GNG7: variants seen among roughly 807,000 people sequenced by gnomAD.
The protein encoded by GNG7 is G protein subunit gamma 7, also known as guanine nucleotide-binding protein G(I)/G(S)/G(O) subunit gamma-7.
In GNG7, 1 loss-of-function variant was observed where a neutral mutation model predicts 4.0. The ratio of observed to expected loss-of-function variants is 0.25; its 90% confidence interval spans 0.09 to 1.18. GNG7 has a LOEUF of 1.18. Ranked by LOEUF, GNG7 falls within the 50% of genes most tolerant of loss-of-function variation. The pLI is 0.50. For synonymous variants in GNG7, 34 were observed against 36.9 expected (o/e 0.92, Z 0.29); for missense variants, 86 against 91.9 (o/e 0.94, Z 0.26).
At position 2,533,645 on chromosome 19, in the gene GNG7, C is replaced by T. The variant is rs77739971; in HGVS notation, c.-37-12920G>A. ...AAAAAACAGCAGCAATTAGGTGGAC[C>T]CAGTGAAAATATCCTTCAAGAATTA... On this transcript the variant is annotated intron_variant, in intron 3 of 4. Coordinates refer to ENST00000382159, the MANE Select transcript of GNG7 (RefSeq NM_052847.3). Among the ~76,000 whole-genome samples the T allele has an allele frequency of 1.8e-3, 274 of 152,052 alleles. 1 individual carries two copies. Among genetic ancestry groups the T allele is most frequent in the Middle Eastern group, 6.8e-3 (2 of 294 alleles).
Position 2,571,842 on chromosome 19 carries a change from C to A in GNG7, c.-77-16654G>T, listed in dbSNP as rs141170448. Among the ~76,000 whole-genome samples, 831 of 151,780 alleles carry A rather than the reference C, an allele frequency of 5.5e-3. 3 individuals are homozygous for A. The highest frequency in any genetic ancestry group is 0.01 in the Middle Eastern group (3 of 294). The stretch of plus-strand genomic sequence containing the variant: ...AACTCCTGACCTCAGGTGATCTGCC[C>A]ACCTTGGCCTCCCAAAGTGTTGGGA... On this transcript the variant is annotated intron_variant, in intron 2 of 4. Transcript: ENST00000382159.
At chr19:2,665,572 G>A (rs1005978159) in intron 1 of GNG7, among the ~76,000 whole-genome samples, 2 of 152,160 alleles carry the variant, frequency 1.3e-5, no homozygotes, top group African/African-American at 4.8e-5. Flanking sequence ...GATTGGGTGG[G>A]GACGTACGCT....
At chr19:2,645,861 C>A (rs978464600) in intron 2 of GNG7, among the ~76,000 whole-genome samples, 1 of 152,218 alleles carries the variant, frequency 6.6e-6, no homozygotes, top group Non-Finnish European at 1.5e-5. Context: ...ACGGGTCACT[C>A]TCCAGGTGCA....
At chr19:2,689,177 TAAAC>T (rs893933254) in intron 1 of GNG7, among the ~76,000 whole-genome samples, 41 of 137,642 alleles carry the variant, frequency 3.0e-4, no homozygotes, top group Middle Eastern at 3.7e-3. Flanking sequence ...AAGAAAAAAA[TAAAC>T]AAAAATAAAA....
chr19:2,668,593 G>T (rs1178847493), intron 1 of GNG7, among the ~76,000 whole-genome samples: 3 of 152,166 alleles, frequency 2.0e-5, no homozygotes, highest in Admixed American at 6.6e-5. Flanking sequence ...CCCTACCAAG[G>T]CTGTCGGCAT....
chr19:2,664,833 G>A (rs1438301555), intron 1 of GNG7, among the ~76,000 whole-genome samples: 1 of 152,152 alleles, frequency 6.6e-6, no homozygotes, highest in East Asian at 1.9e-4. Context: ...ACTGCAGGGT[G>A]CTGAGCAGTG....
At chr19:2,657,357 AAAAAATATATATATATATATAT>A (rs1424033730) in intron 1 of GNG7, among the ~76,000 whole-genome samples, 6 of 16,178 alleles carry the variant, frequency 3.7e-4, no homozygotes, top group South Asian at 8.4e-3. Flanking sequence ...AAAAAAAAAA[AAAAAATATATATATATATATAT>A]ATATATATAT....
chr19:2,547,021 A>T (rs1442826450), intron 3 of GNG7, among the ~76,000 whole-genome samples: 2 of 151,688 alleles, frequency 1.3e-5, no homozygotes, highest in Non-Finnish European at 2.9e-5. Flanking sequence ...AAGAGAACAG[A>T]GGGCAGTACC....
intron 1 of GNG7, among the ~76,000 whole-genome samples, chr19:2,701,597 C>A (rs888520344): frequency 6.7e-6 from 1 of 149,916 alleles, no homozygotes; most frequent in African/African-American, 2.5e-5. Context: ...GTCAATCACA[C>A]CCCCCCATCT....
chr19:2,588,066 T>C (rs553090996), intron 2 of GNG7, among the ~76,000 whole-genome samples: 2 of 152,220 alleles, frequency 1.3e-5, no homozygotes, highest in African/African-American at 4.8e-5. Context: ...GCATCCAGAT[T>C]GGAGCAAGAG....
chr19:2,623,401 T>C (rs1018440274), intron 2 of GNG7, among the ~76,000 whole-genome samples: 2 of 152,000 alleles, frequency 1.3e-5, no homozygotes, highest in African/African-American at 2.4e-5. Flanking sequence ...TGTTCACTCA[T>C]GTTCACAGCA....
At chr19:2,677,003 T>A (rs1417297034) in intron 1 of GNG7, among the ~76,000 whole-genome samples, 1 of 152,076 alleles carries the variant, frequency 6.6e-6, no homozygotes, top group Non-Finnish European at 1.5e-5. Flanking sequence ...GGCATTCTCC[T>A]GGCCGTGATC....
chr19:2,694,532 AC>A (rs1342787766), intron 1 of GNG7, among the ~76,000 whole-genome samples: 4 of 151,738 alleles, frequency 2.6e-5, no homozygotes, highest in Admixed American at 1.3e-4. Flanking sequence ...GGGAGCCCCT[AC>A]ATTATTTGGG....
chr19:2,675,677 AC>A (rs778376157), intron 1 of GNG7, among the ~76,000 whole-genome samples: 32 of 152,060 alleles, frequency 2.1e-4, no homozygotes, highest in Non-Finnish European at 3.8e-4. Context: ...TATTCCCGAC[AC>A]TTGGGGGTCT....
intron 1 of GNG7, among the ~76,000 whole-genome samples, chr19:2,685,838 G>A (rs1018664592): frequency 5.3e-5 from 8 of 152,096 alleles, no homozygotes; most frequent in East Asian, 1.9e-4. Context: ...ACACCCTGCC[G>A]TTGTTTGCCC....
chr19:2,563,241 T>A (rs1467758145), intron 2 of GNG7, among the ~76,000 whole-genome samples: 1 of 151,584 alleles, frequency 6.6e-6, no homozygotes, highest in Admixed American at 6.6e-5. Flanking sequence ...AGCCACTGCG[T>A]CCGGCCCAGT....
intron 3 of GNG7, among the ~76,000 whole-genome samples, chr19:2,527,379 C>T (rs1482887350): frequency 6.6e-6 from 1 of 152,210 alleles, no homozygotes; most frequent in Non-Finnish European, 1.5e-5. Flanking sequence ...CGCATCCCTC[C>T]AGGAAGGGGG....
Position 2,634,668 on chromosome 19 carries a change from G to A in GNG7, c.-78+11556C>T, listed in dbSNP as rs950948325. On this transcript the variant is annotated intron_variant, in intron 2 of 4. Coordinates refer to ENST00000382159, the MANE Select transcript of GNG7 (RefSeq NM_052847.3). This position sits in a 1 kb window ranked among gnomAD's most constrained non-coding sequence, Gnocchi z 5.3. ...CGGGAGCAGAGCGTTTTCAGGCTCT[G>A]GCTGTATATCTTGGCAATTCTTTCA... is the stretch of plus-strand genomic sequence containing the variant. 7.9e-5 allele frequency among the ~76,000 whole-genome samples: 12 copies of A among 152,244 alleles called. No homozygotes were observed. Among genetic ancestry groups the A allele is most frequent in the South Asian group, 2.1e-4 (1 of 4,824 alleles).
Position 2,611,678 on chromosome 19 carries a change from A to C in GNG7, c.-78+34546T>G, listed in dbSNP as rs1242476360. ...AGAGCAACACCAGGTCTCTACAAAAAATTAAAAATTAGCCGGGCATGCTGG... is the reference window on the plus strand; with the variant it reads ...AGAGCAACACCAGGTCTCTACAAAACATTAAAAATTAGCCGGGCATGCTGG... On this transcript the variant is annotated intron_variant, in intron 2 of 4. Transcript: ENST00000382159. This position sits in a 1 kb window ranked among gnomAD's most constrained non-coding sequence, Gnocchi z 6.0. 1.3e-5 allele frequency: 2 copies of C among 151,910 alleles called. No homozygotes were observed. The highest frequency in any genetic ancestry group is 4.8e-5 in the African/African-American group (2 of 41,376). 9.4% of individuals were successfully genotyped at this position (151,910 alleles called of 1,614,324 possible).
Sources: gnomAD v4.1 joint callset for allele counts (sites outside exome capture counted in the v4.1 genomes callset) on GRCh38, gnomAD v4.1.1 for gene constraint, Gnocchi (gnomAD v3.1) non-coding constraint, MANE v1.5 for transcripts, NCBI Gene and HGNC (gene_info 2026-07-23, HGNC 2026-07-21) for gene names.